Variants in GPR89B observed in about 807,000 individuals in gnomAD.
The protein encoded by GPR89B is G protein-coupled receptor 89B.
A neutral mutation model predicts 52.4 loss-of-function variants in GPR89B; 25 were observed. The ratio of observed to expected loss-of-function variants is 0.48; its 90% CI spans 0.35 to 0.67. The LOEUF (loss-of-function observed/expected upper bound fraction) is 0.67, where lower values mean the gene tolerates loss of function less well. Ranked by LOEUF, GPR89B falls within the 30% of genes least tolerant of loss-of-function variation. The pLI is 0.01. For missense variants in GPR89B, 146 were observed against 450.2 expected (o/e 0.32, Z 6.11); for synonymous variants, 52 against 151.2 (o/e 0.34, Z 4.81).
intron 1 of GPR89B, among the ~76,000 whole-genome samples, chr1:147,929,616 G>GT (rs1653363385): frequency 6.6e-6 from 1 of 152,122 alleles, no homozygotes; most frequent in African/African-American, 2.4e-5. Context: ...ACCTTTGGGG[G>GT]CTTAAAGTGA....
chr1:147,973,739 T>G (rs2149081534), intron 10 of GPR89B, among the ~76,000 whole-genome samples: 1 of 152,156 alleles, frequency 6.6e-6, no homozygotes, highest in East Asian at 1.9e-4. Context: ...ATGAAACCTT[T>G]GCCTGTGCCA....
chr1:147,979,348 C>T (rs2149086398), intron 10 of GPR89B, among the ~76,000 whole-genome samples: 1 of 152,124 alleles, frequency 6.6e-6, no homozygotes, highest in East Asian at 1.9e-4. Flanking sequence ...CTTTCCCCAT[C>T]CTTCCTTCCT....
At chr1:147,946,828 A>C (rs1327899208) in intron 5 of GPR89B, among the ~76,000 whole-genome samples, 2 of 152,098 alleles carry the variant, frequency 1.3e-5, no homozygotes, top group African/African-American at 4.8e-5. Flanking sequence ...CTAGGGAGAT[A>C]GTTTCAGTTT....
chr1:148,009,145 C>T, the GPR89B span, among the ~76,000 whole-genome samples: 1 of 152,148 alleles, frequency 6.6e-6, no homozygotes, highest in Non-Finnish European at 1.5e-5. Flanking sequence ...CAGTGTCCCT[C>T]CCCCATTGCA....
downstream of GPR89B, chr1:147,995,529 A>G: frequency 2.0e-6 from 3 of 1,531,868 alleles, no homozygotes; most frequent in East Asian, 4.5e-5. Flanking sequence ...GACATTAAAT[A>G]TACTCATAGG....
At chr1:148,014,389 C>T in the GPR89B span, 2 of 151,500 alleles carry the variant, frequency 1.3e-5, no homozygotes, top group Admixed American at 1.3e-4. Flanking sequence ...GCGATATCCA[C>T]ATCGGCGGTG....
intron 7 of GPR89B, among the ~76,000 whole-genome samples, chr1:147,963,403 G>A (rs1457673456): frequency 2.0e-5 from 3 of 149,042 alleles, no homozygotes; most frequent in South Asian, 4.2e-4. Context: ...ATACTGTTAA[G>A]AGGATGAAAA....
chr1:147,992,596 A>G, intron 13 of GPR89B, 29 bp downstream of exon 13: 1 of 1,611,690 alleles, frequency 6.2e-7, no homozygotes, highest in Non-Finnish European at 8.5e-7. Context: ...CTTTATGTTG[A>G]CAGCTGTAAA....
intron 10 of GPR89B, among the ~76,000 whole-genome samples, chr1:147,972,705 T>C (rs1401084901): frequency 7.9e-5 from 12 of 151,186 alleles, no homozygotes; most frequent in African/African-American, 2.7e-4. Context: ...ATGTGCAAGT[T>C]TGTTACATAT....
intron 10 of GPR89B, among the ~76,000 whole-genome samples, chr1:147,971,024 A>G (rs1657421559): frequency 1.3e-5 from 2 of 151,572 alleles, no homozygotes; most frequent in Non-Finnish European, 2.9e-5. Flanking sequence ...CAATAAATTG[A>G]TGTCAATAAT....
At chr1:148,025,423 C>T in the GPR89B span, among the ~76,000 whole-genome samples, 14 of 146,350 alleles carry the variant, frequency 9.6e-5, no homozygotes, top group Middle Eastern at 3.6e-3. Context: ...ATTGGGAGGC[C>T]GAGGCAGGAG....
intron 12 of GPR89B, among the ~76,000 whole-genome samples, chr1:147,990,320 T>G (rs1571323815): frequency 6.6e-6 from 1 of 152,232 alleles, no homozygotes; most frequent in Non-Finnish European, 1.5e-5. Flanking sequence ...GTAAATTTGT[T>G]TGAGTTCTTT....
the GPR89B span, among the ~76,000 whole-genome samples, chr1:147,998,672 G>T: frequency 6.6e-6 from 1 of 151,076 alleles, no homozygotes; most frequent in Non-Finnish European, 1.5e-5. Context: ...TTGAGGTCAG[G>T]AGTTCGAGAC....
chr1:148,020,781 A>G, the GPR89B span, among the ~76,000 whole-genome samples: 1 of 151,856 alleles, frequency 6.6e-6, no homozygotes, highest in Admixed American at 6.6e-5. Flanking sequence ...TCCACCTTCC[A>G]GGCTCAAGAG....
At chr1:147,958,070 GAAA>G (rs1200731603) in intron 7 of GPR89B, among the ~76,000 whole-genome samples, 1 of 131,914 alleles carries the variant, frequency 7.6e-6, no homozygotes, top group Non-Finnish European at 1.7e-5. Context: ...TCTCAAAAAA[GAAA>G]AAAAAAAAGA....
At chr1:148,015,026 T>C in the GPR89B span, 3 of 151,920 alleles carry the variant, frequency 2.0e-5, no homozygotes, top group African/African-American at 4.8e-5. Context: ...GATGGGCGCT[T>C]GCTCTGCATG....
the GPR89B span, among the ~76,000 whole-genome samples, chr1:148,004,281 C>T: frequency 3.3e-5 from 5 of 151,504 alleles, no homozygotes; most frequent in Admixed American, 6.6e-5. Flanking sequence ...CTCAGCCTCC[C>T]GAGTACCTGG....
intron 5 of GPR89B, among the ~76,000 whole-genome samples, chr1:147,944,434 TCTAA>T (rs1402101588): frequency 2.7e-5 from 4 of 149,228 alleles, no homozygotes; most frequent in Non-Finnish European, 4.5e-5. Context: ...GAGAACGGTG[TCTAA>T]CTCATATTGT....
chr1:147,992,352 C>G (rs1659129535), intron 12 of GPR89B, 150 bp from the exon 13 acceptor site: 9 of 672,584 alleles, frequency 1.3e-5, no homozygotes, highest in Non-Finnish European at 2.2e-5. Context: ...TTTTAAGTCT[C>G]TTCTTTATAG....
Sources: allele counts gnomAD v4.1 joint callset (sites outside exome capture counted in the v4.1 genomes callset), GRCh38; gene constraint gnomAD v4.1.1; transcripts MANE v1.5; gene names NCBI Gene and HGNC (gene_info 2026-07-23, HGNC 2026-07-21).